The following KCNN2 variants were observed in gnomAD, a reference collection of about 807,000 sequenced individuals.
KCNN2 encodes potassium calcium-activated channel subfamily N member 2.
Under a neutral mutation model 55.5 loss-of-function variants are expected in KCNN2, and 24 were observed. The ratio of observed to expected loss-of-function variants is 0.43; its 90% confidence interval spans 0.31 to 0.61. KCNN2 has a LOEUF of 0.61. Among genes scored for constraint, KCNN2 ranks in the 20% least tolerant of loss-of-function variants. KCNN2 has a pLI of 0.08. For missense variants in KCNN2, 754 were observed against 853.6 expected (o/e 0.88, Z 1.45); for synonymous variants, 431 against 336.1 (o/e 1.28, Z -3.09).
At chr5:114,157,752 G>A (rs1419022373) in intron 1 of KCNN2, among the ~76,000 whole-genome samples, 7 of 152,034 alleles carry the variant, frequency 4.6e-5, no homozygotes, top group African/African-American at 1.2e-4. Flanking sequence ...TTGTCTGATG[G>A]CCAGTGATGA....
intron 2 of KCNN2, among the ~76,000 whole-genome samples, chr5:114,317,714 T>C (rs779175964): frequency 4.6e-5 from 7 of 152,224 alleles, no homozygotes; most frequent in Non-Finnish European, 8.8e-5. Flanking sequence ...GTAGATCCTA[T>C]GTCACAGGAG....
At chr5:114,297,296 T>A (rs1277768704) in intron 2 of KCNN2, among the ~76,000 whole-genome samples, 1 of 152,082 alleles carries the variant, frequency 6.6e-6, no homozygotes, top group Non-Finnish European at 1.5e-5. Flanking sequence ...GCAGCCTGGG[T>A]GATAGGGCAA....
At chr5:114,304,305 G>T (rs1201917282) in intron 2 of KCNN2, among the ~76,000 whole-genome samples, 2 of 152,118 alleles carry the variant, frequency 1.3e-5, no homozygotes, top group Non-Finnish European at 2.9e-5. Flanking sequence ...GAGAGTTGGT[G>T]CAAAAAAGGT....
chr5:114,098,715 C>A (rs1751314204), intron 1 of KCNN2, among the ~76,000 whole-genome samples: 1 of 151,972 alleles, frequency 6.6e-6, no homozygotes, highest in Non-Finnish European at 1.5e-5. Flanking sequence ...GGAGGATTGC[C>A]CAAAGAAAAA....
chr5:114,247,202 C>CAAAAAAAAAAAAAAAAAAA (rs370172975), intron 2 of KCNN2, among the ~76,000 whole-genome samples: 20 of 68,088 alleles, frequency 2.9e-4, no homozygotes, highest in East Asian at 1.2e-3. Flanking sequence ...CATATGTCTC[C>CAAAAAAAAAAAAAAAAAAA]AAAAAAAAAA....
intron 2 of KCNN2, among the ~76,000 whole-genome samples, chr5:114,267,336 G>T (rs559515575): frequency 3.9e-5 from 6 of 152,004 alleles, no homozygotes; most frequent in East Asian, 1.9e-4. Context: ...AGGCTTTTTC[G>T]TGTGAGCATC....
At chr5:114,425,483 A>G (rs777734231) in intron 3 of KCNN2, among the ~76,000 whole-genome samples, 1 of 152,074 alleles carries the variant, frequency 6.6e-6, no homozygotes, top group Admixed American at 6.6e-5. Flanking sequence ...GTGATTGACA[A>G]TCCCTCCTTT....
chr5:114,322,775 G>A (rs1005109545), intron 2 of KCNN2, among the ~76,000 whole-genome samples: 1 of 152,076 alleles, frequency 6.6e-6, no homozygotes, highest in South Asian at 2.1e-4. Flanking sequence ...TTTACATTTT[G>A]ATGGTAATAT....
At chr5:114,123,736 C>A (rs1751874009) in intron 1 of KCNN2, among the ~76,000 whole-genome samples, 1 of 152,136 alleles carries the variant, frequency 6.6e-6, no homozygotes, top group Non-Finnish European at 1.5e-5. Context: ...TAAGCATCAG[C>A]AGATTTTTGA....
At chr5:114,158,360 A>G (rs1232941367) in intron 1 of KCNN2, among the ~76,000 whole-genome samples, 1 of 152,058 alleles carries the variant, frequency 6.6e-6, no homozygotes, top group Non-Finnish European at 1.5e-5. Flanking sequence ...CCATTGGTCT[A>G]TATCTCTGTT....
At chr5:114,188,056 A>C (rs1436979580) in intron 1 of KCNN2, among the ~76,000 whole-genome samples, 1 of 151,904 alleles carries the variant, frequency 6.6e-6, no homozygotes, top group East Asian at 1.9e-4. Flanking sequence ...CAGGTGGTCC[A>C]CCCACCTCGG....
intron 1 of KCNN2, among the ~76,000 whole-genome samples, chr5:114,215,928 T>TA (rs1753991175): frequency 6.6e-6 from 1 of 152,104 alleles, no homozygotes; most frequent in African/African-American, 2.4e-5. Context: ...CACATTGAAT[T>TA]AAAAGCATTT....
intron 2 of KCNN2, among the ~76,000 whole-genome samples, chr5:114,314,691 T>G (rs490801): frequency 0.064 from 9,663 of 152,158 alleles, 403 homozygotes; most frequent in Non-Finnish European, 0.094. Flanking sequence ...AAAAAGTTAT[T>G]GTACAGGCAG....
intron 1 of KCNN2, among the ~76,000 whole-genome samples, chr5:114,203,966 TC>T (rs1316435995): frequency 6.6e-6 from 1 of 152,140 alleles, no homozygotes; most frequent in African/African-American, 2.4e-5. Context: ...AGAAAATGAA[TC>T]CCTGATTTCA....
At chr5:114,298,349 A>T (rs1188279359) in intron 2 of KCNN2, among the ~76,000 whole-genome samples, 1 of 152,216 alleles carries the variant, frequency 6.6e-6, no homozygotes, top group Non-Finnish European at 1.5e-5. Context: ...GATAGTGTGA[A>T]GAACCACCAG....
chr5:114,363,274 A>AC lies in KCNN2; in HGVS notation c.1122+17dup. 6.3e-7 allele frequency: 1 copy of AC among 1,577,376 alleles called. No homozygotes were observed. Among genetic ancestry groups the AC allele is most frequent in the Non-Finnish European group, 8.6e-7 (1 of 1,162,066 alleles). On this transcript the variant is annotated intron_variant, in intron 1 of 7. Coordinates refer to ENST00000673685, the MANE Select transcript of KCNN2 (RefSeq NM_021614.4). ...CGCCTACGACAAGGTACAGGCTTGA[A>AC]CCCCAGCCCACGCTACCGGAGTCGG...
rs868773198 is a variant in KCNN2 at position 114,285,285 on chromosome 5, A to G, written c.-185+63720A>G. Among the ~76,000 whole-genome samples, 12 of 23,524 alleles carry G rather than the reference A, an allele frequency of 5.1e-4. No individual in the cohort carries two copies. In the East Asian group the frequency reaches 0.051, roughly 101 times the overall value. The allele number at this position is 23,524 out of a possible 152,430, so 15.4% of individuals were successfully genotyped here. On this transcript the variant is annotated intron_variant, in intron 2 of 10. Transcript: ENST00000512097. ...GTGACACAGCGAGACTCCATCTCCA[A>G]AAAAAAAAAAAAAAAAAAAAAGAGA...
upstream of KCNN2, among the ~76,000 whole-genome samples, chr5:114,361,696 C>T (rs192521503): frequency 1.3e-3 from 192 of 152,278 alleles, 2 homozygotes; most frequent in East Asian, 0.02. Flanking sequence ...GCAGGTGATC[C>T]GGGCAGCGCG....
intron 2 of KCNN2, among the ~76,000 whole-genome samples, chr5:114,375,445 G>T (rs1757902486): frequency 6.6e-6 from 1 of 152,096 alleles, no homozygotes; most frequent in East Asian, 1.9e-4. Flanking sequence ...GAAGTTTTAA[G>T]ACTTAAAGGT....
Sources: allele counts gnomAD v4.1 joint callset (sites outside exome capture counted in the v4.1 genomes callset), GRCh38; gene constraint gnomAD v4.1.1; transcripts MANE v1.5; gene names NCBI Gene and HGNC (gene_info 2026-07-23, HGNC 2026-07-21).